WHRN: variants seen among roughly 807,000 people sequenced by gnomAD.
WHRN encodes the protein CASK-interacting protein CIP98.
Under a neutral mutation model 68.3 loss-of-function variants are expected in WHRN, and 41 were observed. The ratio of observed to expected loss-of-function variants is 0.60; its 90% CI spans 0.47 to 0.78. The LOEUF (loss-of-function observed/expected upper bound fraction) is 0.78. WHRN is among the 30% of genes least tolerant of loss of function. The pLI, the probability that WHRN is intolerant of heterozygous loss-of-function variation, is 0.00. For synonymous variants in WHRN, 560 were observed against 561.3 expected (o/e 1.00, Z 0.03); for missense variants, 1,243 against 1,244.7 (o/e 1.00, Z 0.02).
At chr9:114,451,394 T>C (rs1839317971) in intron 3 of WHRN, among the ~76,000 whole-genome samples, 1 of 152,090 alleles carries the variant, frequency 6.6e-6, no homozygotes, top group African/African-American at 2.4e-5. Context: ...ATGATGAAAC[T>C]CAGGAGATCC....
At chr9:114,414,268 A>G (rs190795903) in intron 7 of WHRN, among the ~76,000 whole-genome samples, 29 of 152,314 alleles carry the variant, frequency 1.9e-4, no homozygotes, top group South Asian at 1.0e-3. Flanking sequence ...TACAGCAGTT[A>G]CTGACTCACT....
chr9:114,406,479 C>A lies in WHRN; in HGVS notation c.2112G>T (p.Leu704=), dbSNP rs535492772. 97 of 1,614,096 alleles carry A rather than the reference C, an allele frequency of 6.0e-5. No individual in the cohort carries two copies. The Admixed American group carries it at 9.3e-4, about 16-fold the overall frequency. Residue 704 remains leucine, a synonymous_variant, in exon 9 of 12, where the codon CTG becomes CTT. Coordinates refer to ENST00000362057, the MANE Select transcript of WHRN (RefSeq NM_015404.4). ...CTGGGTGGCCAGAGGGTGATGGGGG[C>A]AGAAGGCAGCCCCCAGCCACTGTGG... ...AEATVAGGCL[L]PPSPSGHPDQ... is the part of the protein sequence containing the mutation.
intron 3 of WHRN, among the ~76,000 whole-genome samples, chr9:114,465,333 T>C (rs1589197271): frequency 6.6e-6 from 1 of 152,326 alleles, no homozygotes; most frequent in African/African-American, 2.4e-5. Context: ...ATCATGTGCT[T>C]CATTCCCCTG....
At chr9:114,404,181 C>A in intron 9 of WHRN, 104 bp from the exon 10 acceptor site, 1 of 1,259,886 alleles carries the variant, frequency 7.9e-7, no homozygotes, top group East Asian at 2.5e-5. Flanking sequence ...TGGGGGAATT[C>A]CCCAGGCAAA....
In WHRN at chr9:114,403,233, C is replaced by T; in HGVS notation, c.2525G>A (p.Arg842Lys). ...GGGACATACCTGAATAGTGACAATCCTAGGCAGGGGCTGGCGGGTGTTGGC... is the reference window on the plus strand; with the variant it reads ...GGGACATACCTGAATAGTGACAATCTTAGGCAGGGGCTGGCGGGTGTTGGC... ...GGANTRQPLP[R>K]IVTIQRGGSA... is the part of the protein sequence containing the mutation. The change falls in exon 11 of 12, where the codon AGG becomes AAG. Residue 842 changes from arginine to lysine, a missense_variant. Arg to Lys is a conservative substitution (Grantham distance 26). Coordinates refer to ENST00000362057, the MANE Select transcript of WHRN (RefSeq NM_015404.4). 6.2e-7 allele frequency: 1 copy of T among 1,614,136 alleles called. No individual in the cohort carries two copies. The highest frequency in any genetic ancestry group is 1.1e-5 in the South Asian group (1 of 91,084).
chr9:114,403,646 G>T (rs560985964), intron 10 of WHRN, among the ~76,000 whole-genome samples: 9 of 152,364 alleles, frequency 5.9e-5, no homozygotes, highest in Non-Finnish European at 1.3e-4. Context: ...AAACTGAGAG[G>T]AGCTTAAAGA....
intron 7 of WHRN, among the ~76,000 whole-genome samples, chr9:114,422,793 C>T (rs1836426569): frequency 6.6e-6 from 1 of 152,150 alleles, no homozygotes; most frequent in Admixed American, 6.5e-5. Flanking sequence ...CAAGATTGCA[C>T]CCCTGCACTC....
intron 3 of WHRN, among the ~76,000 whole-genome samples, chr9:114,450,834 C>CG (rs1839262132): frequency 6.7e-6 from 1 of 149,860 alleles, no homozygotes; most frequent in Non-Finnish European, 1.5e-5. Flanking sequence ...TTTCCCCCCC[C>CG]GCAAAAAAAT....
At chr9:114,415,685 G>T (rs760315266) in intron 7 of WHRN, among the ~76,000 whole-genome samples, 11 of 152,204 alleles carry the variant, frequency 7.2e-5, no homozygotes, top group Non-Finnish European at 1.5e-4. Context: ...GACTTGATCA[G>T]CTTCAAGAGC....
intron 7 of WHRN, among the ~76,000 whole-genome samples, chr9:114,409,366 G>A (rs891592780): frequency 1.3e-5 from 2 of 152,194 alleles, no homozygotes; most frequent in African/African-American, 2.4e-5. Context: ...TAATGCAATC[G>A]GGGGAGGGGT....
rs753546274 is a variant in WHRN, at chr9:114,486,263, G to A, written c.619-7492C>T. 2.0e-5 allele frequency among the ~76,000 whole-genome samples: 3 copies of A among 151,868 alleles called. No homozygotes were observed. The South Asian group carries it at 6.2e-4, about 32-fold the overall frequency. On this transcript the variant is annotated intron_variant, in intron 1 of 11. Coordinates refer to ENST00000362057, the MANE Select transcript of WHRN (RefSeq NM_015404.4). ...TTAATCCACATTTCCTCGTATCTGC[G>A]CTGCCTTCAACACTCAGCTCCTTTC...
chr9:114,420,283 C>T (rs537319647), intron 7 of WHRN, among the ~76,000 whole-genome samples: 3 of 152,026 alleles, frequency 2.0e-5, no homozygotes, highest in South Asian at 2.1e-4. Context: ...ACTGCCATGA[C>T]CAGCATCCCT....
chr9:114,465,359 T>C (rs942462519), intron 3 of WHRN, among the ~76,000 whole-genome samples: 1 of 152,198 alleles, frequency 6.6e-6, no homozygotes, highest in Non-Finnish European at 1.5e-5. Flanking sequence ...GCACACAGAC[T>C]AGGCATCCAT....
intron 1 of WHRN, among the ~76,000 whole-genome samples, chr9:114,496,685 T>C (rs1843490458): frequency 6.6e-6 from 1 of 152,216 alleles, no homozygotes; most frequent in Non-Finnish European, 1.5e-5. Flanking sequence ...ACAGCAACAA[T>C]GACATGTTTG....
At chr9:114,417,125 T>C (rs968434535) in intron 7 of WHRN, among the ~76,000 whole-genome samples, 1 of 152,246 alleles carries the variant, frequency 6.6e-6, no homozygotes. Flanking sequence ...GCTGGCTCTC[T>C]GTTAGACAAA....
At chr9:114,433,741 G>A (rs1220879046) in intron 3 of WHRN, among the ~76,000 whole-genome samples, 1 of 152,200 alleles carries the variant, frequency 6.6e-6, no homozygotes, top group Non-Finnish European at 1.5e-5. Context: ...CCTGGAGCAA[G>A]CTCAGGGTAT....
At chr9:114,489,613 C>T (rs1438946234) in intron 1 of WHRN, among the ~76,000 whole-genome samples, 2 of 152,088 alleles carry the variant, frequency 1.3e-5, no homozygotes, top group Non-Finnish European at 2.9e-5. Context: ...TTACTTTTGA[C>T]TTAAGTAAGA....
chr9:114,424,804 G>A (rs925288833), intron 5 of WHRN, among the ~76,000 whole-genome samples, 184 bp downstream of exon 5: 1 of 152,136 alleles, frequency 6.6e-6, no homozygotes, highest in African/African-American at 2.4e-5. Flanking sequence ...ATCAACCCTG[G>A]TGCCAGAGGT....
intron 3 of WHRN, among the ~76,000 whole-genome samples, chr9:114,459,939 C>T (rs1010649109): frequency 1.8e-4 from 27 of 152,172 alleles, no homozygotes; most frequent in Admixed American, 1.2e-3. Flanking sequence ...TGGGAGGCTA[C>T]CATAGCCACA....
Sources: gnomAD v4.1 joint callset for allele counts (sites outside exome capture counted in the v4.1 genomes callset) on GRCh38, gnomAD v4.1.1 for gene constraint, MANE v1.5 for transcripts, NCBI Gene and HGNC (gene_info 2026-07-23, HGNC 2026-07-21) for gene names.